SCNN1B: variants seen among roughly 807,000 people sequenced by gnomAD.
SCNN1B encodes the protein epithelial sodium channel subunit beta.
Under a neutral mutation model 65.3 loss-of-function variants are expected in SCNN1B, and 46 were observed. The ratio of observed to expected loss-of-function variants is 0.70; its 90% CI spans 0.56 to 0.90. The LOEUF is 0.90. SCNN1B is among the 40% of genes least tolerant of loss of function. The pLI is 0.00. For missense variants in SCNN1B, 751 were observed against 830.5 expected (o/e 0.90, Z 1.18); for synonymous variants, 349 against 330.6 (o/e 1.06, Z -0.60).
intron 7 of SCNN1B, among the ~76,000 whole-genome samples, chr16:23,372,776 G>A (rs1181050486): frequency 6.6e-6 from 1 of 150,834 alleles, no homozygotes; most frequent in African/African-American, 2.4e-5. Flanking sequence ...ACAGGCATGA[G>A]CCACCGCACC....
intron 1 of SCNN1B, among the ~76,000 whole-genome samples, chr16:23,310,980 G>A (rs539899193): frequency 1.7e-4 from 26 of 152,336 alleles, no homozygotes; most frequent in African/African-American, 5.5e-4. Flanking sequence ...GCCCAGCCTC[G>A]GATGAGGGAG....
At position 23,348,135 on chromosome 16, in the gene SCNN1B, T is replaced by A. The variant is rs1253046712; in HGVS notation, c.-8-457T>A. ...ATGGGGAGGACATGTAAACTCCATA[T>A]AGACAGTGGCCCTGGCTGGGAATCT... On this transcript the variant is annotated intron_variant, in intron 1 of 12. Coordinates refer to ENST00000343070, the MANE Select transcript of SCNN1B (RefSeq NM_000336.3). This position sits in a 1 kb window ranked among gnomAD's most constrained non-coding sequence, Gnocchi z 4.5. Among the ~76,000 whole-genome samples the A allele has an allele frequency of 2.6e-5, 4 of 152,144 alleles. No individual in the cohort carries two copies. The highest frequency in any genetic ancestry group is 2.0e-4 in the Admixed American group (3 of 15,272).
chr16:23,339,561 T>TTATTA (rs1567302885), intron 1 of SCNN1B, among the ~76,000 whole-genome samples: 10 of 151,456 alleles, frequency 6.6e-5, no homozygotes, highest in East Asian at 3.9e-4. Flanking sequence ...TTAACTTATT[T>TTATTA]TTATTATTAT....
chr16:23,322,253 A>G (rs888754601), intron 1 of SCNN1B, among the ~76,000 whole-genome samples: 2 of 152,124 alleles, frequency 1.3e-5, no homozygotes, highest in African/African-American at 4.8e-5. Flanking sequence ...TATCCAACAT[A>G]CATACAACAC....
intron 2 of SCNN1B, among the ~76,000 whole-genome samples, chr16:23,290,806 A>G (rs993536910): frequency 3.9e-5 from 6 of 152,192 alleles, no homozygotes; most frequent in Non-Finnish European, 5.9e-5. Flanking sequence ...TTTCCTTCCC[A>G]GCACGAACCA....
intron 4 of SCNN1B, among the ~76,000 whole-genome samples, chr16:23,364,797 C>G (rs1962615063): frequency 6.6e-6 from 1 of 152,094 alleles, no homozygotes; most frequent in African/African-American, 2.4e-5. Context: ...CAAGACCAGC[C>G]TGGCCAACAT....
Position 23,348,674 on chromosome 16 carries a change from G to C in SCNN1B, c.75G>C (p.Leu25=). The C allele has an allele frequency of 1.2e-6, 2 of 1,613,974 alleles. No individual in the cohort carries two copies. The highest frequency in any genetic ancestry group is 1.7e-6 in the Non-Finnish European group (2 of 1,180,016). The change falls in exon 2 of 13, where the codon CTG becomes CTC. Residue 25 remains leucine (L), a synonymous_variant. Coordinates refer to ENST00000343070, the MANE Select transcript of SCNN1B (RefSeq NM_000336.3). This position sits in a 1 kb window ranked among gnomAD's most constrained non-coding sequence, Gnocchi z 4.5. The part of the protein sequence containing the change: ...QKGPGYTYKE[L]LVWYCDNTNT... ...GCCCCGGCTACACGTACAAGGAGCT[G>C]CTGGTGTGGTACTGCGACAACACCA...
At chr16:23,342,536 T>C (rs1962074417) in intron 1 of SCNN1B, among the ~76,000 whole-genome samples, 1 of 152,202 alleles carries the variant, frequency 6.6e-6, no homozygotes, top group Non-Finnish European at 1.5e-5. Flanking sequence ...CATGAGCCAC[T>C]GTGCCCAGCC....
upstream of SCNN1B, among the ~76,000 whole-genome samples, chr16:23,298,377 G>A (rs35517027): frequency 0.16 from 24,406 of 152,160 alleles, 2,817 homozygotes; most frequent in East Asian, 0.32. Flanking sequence ...CTCCTGCAGA[G>A]CAAGGCTACC....
chr16:23,304,393 C>T (rs958761614), intron 1 of SCNN1B, among the ~76,000 whole-genome samples: 4 of 152,212 alleles, frequency 2.6e-5, no homozygotes, highest in African/African-American at 9.6e-5. Flanking sequence ...CACCTCTATT[C>T]TGTCTATGAC....
At chr16:23,282,316 TAG>T (rs1960795422) in intron 1 of SCNN1B, among the ~76,000 whole-genome samples, 3 of 152,208 alleles carry the variant, frequency 2.0e-5, no homozygotes, top group Non-Finnish European at 4.4e-5. Flanking sequence ...AAACATTTAT[TAG>T]GTGCCAAGAA....
chr16:23,315,201 A>G (rs1246616155), intron 1 of SCNN1B, among the ~76,000 whole-genome samples: 1 of 152,048 alleles, frequency 6.6e-6, no homozygotes, highest in Non-Finnish European at 1.5e-5. Context: ...GCTAGGTGTG[A>G]TGGTGCATGC....
At chr16:23,284,946 G>T (rs990343347) in intron 2 of SCNN1B, among the ~76,000 whole-genome samples, 9 of 152,176 alleles carry the variant, frequency 5.9e-5, no homozygotes, top group Non-Finnish European at 1.2e-4. Flanking sequence ...GCTTATCAAA[G>T]ACTATGCGAG....
chr16:23,356,197 G>A (rs971774913), intron 4 of SCNN1B, among the ~76,000 whole-genome samples: 1 of 152,344 alleles, frequency 6.6e-6, no homozygotes, highest in Non-Finnish European at 1.5e-5. Context: ...GCACCAGCCC[G>A]ATGAGGGGAT....
intron 1 of SCNN1B, chr16:23,278,457 G>C (rs1265657009): frequency 6.6e-6 from 1 of 152,124 alleles, no homozygotes; most frequent in South Asian, 2.1e-4. Context: ...CTGTCACCCA[G>C]GCTGGATAGC....
intron 1 of SCNN1B, among the ~76,000 whole-genome samples, chr16:23,330,054 G>A (rs943113032): frequency 3.4e-4 from 52 of 151,912 alleles, no homozygotes; most frequent in African/African-American, 1.1e-3. Context: ...AAAAGAGAGC[G>A]AAAGAAAGAA....
intron 10 of SCNN1B, among the ~76,000 whole-genome samples, chr16:23,377,653 CTTCTTCTTTCCTTCCTTCCT>C (rs1962937959): frequency 3.6e-5 from 5 of 140,270 alleles, no homozygotes; most frequent in East Asian, 2.1e-4. Flanking sequence ...TCCTCCCTCC[CTTCTTCTTTCCTTCCTTCCT>C]TTCTCCCTCC....
chr16:23,351,335 C>T (rs1962304627), intron 2 of SCNN1B, among the ~76,000 whole-genome samples: 1 of 152,144 alleles, frequency 6.6e-6, no homozygotes, highest in South Asian at 2.1e-4. Context: ...GATGAGAGAA[C>T]AGAGCCTCAG....
chr16:23,363,430 G>A (rs780845125), intron 4 of SCNN1B, among the ~76,000 whole-genome samples: 1 of 152,238 alleles, frequency 6.6e-6, no homozygotes, highest in Non-Finnish European at 1.5e-5. Context: ...TGACCTCTGA[G>A]CTCTTCTCCT....
Sources: allele counts gnomAD v4.1 joint callset (sites outside exome capture counted in the v4.1 genomes callset), GRCh38; gene constraint gnomAD v4.1.1; non-coding constraint Gnocchi (gnomAD v3.1); transcripts MANE v1.5; gene names NCBI Gene and HGNC (gene_info 2026-07-23, HGNC 2026-07-21).